Variants in SLC9A6 observed in about 807,000 individuals in gnomAD.
SLC9A6 encodes the protein sodium/hydrogen exchanger 6.
In SLC9A6, 6 loss-of-function variants were observed where a neutral mutation model predicts 45.3. The observed-to-expected ratio is 0.13, with a 90% CI of 0.07 to 0.26. SLC9A6 has a LOEUF of 0.26. Among genes scored for constraint, SLC9A6 ranks in the 10% least tolerant of loss-of-function variants. The pLI is 1.00. For missense variants in SLC9A6, 278 were observed against 503.7 expected (o/e 0.55, Z 4.29); for synonymous variants, 191 against 187.7 (o/e 1.02, Z -0.14).
intron 17 of SLC9A6, among the ~76,000 whole-genome samples, chrX:136,042,435 C>A (rs1461779055): frequency 8.9e-6 from 1 of 111,871 alleles, no homozygotes; most frequent in African/African-American, 3.3e-5. Context: ...ACCTTGGCCT[C>A]CCAAAGTGTT....
At chrX:135,992,742 T>A (rs1339703490) in intron 2 of SLC9A6, among the ~76,000 whole-genome samples, 1 of 112,254 alleles carries the variant, frequency 8.9e-6, no homozygotes, top group Non-Finnish European at 1.9e-5. Flanking sequence ...TTTTCTGTTT[T>A]TATAATACCT....
chrX:135,979,657 A>C (rs781902972), intron 1 of SLC9A6, among the ~76,000 whole-genome samples: 11 of 112,185 alleles, frequency 9.8e-5, no homozygotes, highest in Admixed American at 2.8e-4. Flanking sequence ...CTTTGCATCT[A>C]ACTTTCCATA....
Position 136,044,807 on chromosome X carries a change from A to G in SLC9A6, c.*83A>G. On this transcript the variant is annotated 3_prime_UTR_variant, in exon 18 of 18. Transcript: ENST00000630721. ...TTGTACTACCTAAAAGTCCCAGTGCATGTCTCTGAATGTGTAAGCTATATA... is the reference window on the plus strand; with the variant it reads ...TTGTACTACCTAAAAGTCCCAGTGCGTGTCTCTGAATGTGTAAGCTATATA... 1.2e-6 allele frequency: 1 copy of G among 823,575 alleles called. No individual in the cohort carries two copies. The allele number at this position is 823,575 out of a possible 1,213,427, so 67.9% of individuals were successfully genotyped here. A position where few individuals can be genotyped will look rare whatever the true frequency, so the allele number is the denominator to read the frequency against.
intron 1 of SLC9A6, among the ~76,000 whole-genome samples, chrX:135,975,609 A>G (rs73226734): frequency 0.1 from 11,327 of 112,148 alleles, 479 homozygotes; most frequent in Admixed American, 0.15. Context: ...TAAGCATTCA[A>G]TAAGTGCTTG....
At chrX:135,978,148 T>C (rs1410790464) in intron 1 of SLC9A6, among the ~76,000 whole-genome samples, 2 of 112,491 alleles carry the variant, frequency 1.8e-5, no homozygotes, top group Non-Finnish European at 3.8e-5. Flanking sequence ...TTGTTGCTAT[T>C]GACCCTTCTA....
chrX:136,029,782 TG>T (rs1220455024), intron 14 of SLC9A6: 6 of 265,791 alleles, frequency 2.3e-5, no homozygotes, highest in African/African-American at 5.5e-5. Flanking sequence ...TCCTTGTTTT[TG>T]GAGCTAGCCA....
At chrX:135,991,046 T>C (rs2089422314) in intron 2 of SLC9A6, among the ~76,000 whole-genome samples, 1 of 111,756 alleles carries the variant, frequency 8.9e-6, no homozygotes, top group Admixed American at 9.5e-5. Context: ...TATCTAACAG[T>C]CAGTTTTTAA....
intron 2 of SLC9A6, among the ~76,000 whole-genome samples, chrX:135,986,302 C>T (rs1286582339): frequency 9.0e-6 from 1 of 110,699 alleles, no homozygotes; most frequent in African/African-American, 3.3e-5. Flanking sequence ...TCGACCTTTA[C>T]TCAACACCTA....
intron 3 of SLC9A6, among the ~76,000 whole-genome samples, chrX:135,996,927 C>T (rs1268537354): frequency 1.3e-3 from 143 of 109,078 alleles, no homozygotes; most frequent in Middle Eastern, 4.7e-3. Flanking sequence ...CCACCACGCC[C>T]GGCTAATTTT....
intron 8 of SLC9A6, 91 bp from the exon 9 acceptor site, chrX:136,012,858 C>G (rs1012705221): frequency 2.0e-5 from 13 of 648,864 alleles, no homozygotes; most frequent in Non-Finnish European, 3.1e-5. Context: ...GCTAGAGAAC[C>G]TTTCTTTCAT....
Position 135,998,512 on chromosome X carries a change from C to G in SLC9A6, c.478C>G (p.Leu160Val), listed in dbSNP as rs1327979522. 8.4e-7 allele frequency: 1 copy of G among 1,187,137 alleles called. No individual in the cohort carries two copies. Among genetic ancestry groups the G allele is most frequent in the African/African-American group, 1.8e-5 (1 of 55,660 alleles). ...TTTTTTTCGAAATCTTGGGTCTATCCTAGCATACGCTTTTCTTGGAACAGC... is the reference window on the plus strand; with the variant it reads ...TTTTTTTCGAAATCTTGGGTCTATCGTAGCATACGCTTTTCTTGGAACAGC... Reference protein sequence around the residue: ...RHFFRNLGSILAYAFLGTAIS... With the variant: ...RHFFRNLGSIVAYAFLGTAIS... Residue 160 changes from leucine to valine, a missense_variant, in exon 5 of 18, where the codon CTA (leucine) becomes GTA (valine). Around this residue, in one of 5 missense-constraint regions of SLC9A6, gnomAD observed 118 missense variants for 209.9 expected, o/e 0.56. Coordinates refer to ENST00000630721, the MANE Select transcript of SLC9A6 (RefSeq NM_001379110.1).
intron 9 of SLC9A6, 138 bp downstream of exon 9, chrX:136,013,192 T>A: frequency 4.3e-6 from 3 of 692,600 alleles, no homozygotes; most frequent in Admixed American, 2.5e-5. Context: ...CTTTAGAACA[T>A]AAAAAAAAAT....
chrX:135,975,981 CAAAAAA>C (rs782541566), intron 1 of SLC9A6, among the ~76,000 whole-genome samples: 12 of 62,462 alleles, frequency 1.9e-4, no homozygotes, highest in Admixed American at 6.3e-4. Flanking sequence ...TTTCTCTAAC[CAAAAAA>C]AAAAAAAAAA....
chrX:136,003,145 C>A (rs189262447), intron 7 of SLC9A6, among the ~76,000 whole-genome samples: 13 of 110,199 alleles, frequency 1.2e-4, no homozygotes, highest in Admixed American at 3.8e-4. Context: ...CCTACCACCA[C>A]GCCCGGCTAA....
intron 2 of SLC9A6, among the ~76,000 whole-genome samples, chrX:135,989,871 G>A (rs2089401835): frequency 9.0e-6 from 1 of 111,007 alleles, no homozygotes; most frequent in African/African-American, 3.3e-5. Flanking sequence ...GGACCTCTCT[G>A]TTTTGTGAAA....
intron 16 of SLC9A6, among the ~76,000 whole-genome samples, chrX:136,039,106 A>G (rs1246857605): frequency 7.2e-5 from 8 of 110,745 alleles, no homozygotes; most frequent in African/African-American, 2.3e-4. Context: ...TCATGCCTGT[A>G]AACCCAACAC....
chrX:136,024,228 C>T, intron 12 of SLC9A6, 102 bp from the exon 13 acceptor site: 2 of 841,574 alleles, frequency 2.4e-6, no homozygotes, highest in Non-Finnish European at 3.6e-6. Flanking sequence ...CATATTTGTT[C>T]ACATGCTTCT....
upstream of SLC9A6, chrX:135,974,532 C>A (rs2089250695): frequency 3.7e-6 from 1 of 266,968 alleles, no homozygotes; most frequent in Admixed American, 3.7e-5. Context: ...GGGCTGGGGG[C>A]GTTGGGGAAA....
At chrX:135,974,791 AGAAAGATTCGCGC>A (rs2089252554) in intron 1 of SLC9A6, 1 of 317,826 alleles carries the variant, frequency 3.1e-6, no homozygotes, top group East Asian at 1.0e-4. Flanking sequence ...AAGGTCCTGG[AGAAAGATTCGCGC>A]AAAAAGAGGT....
Sources: allele counts gnomAD v4.1 joint callset (sites outside exome capture counted in the v4.1 genomes callset), GRCh38; gene constraint gnomAD v4.1.1; regional missense constraint gnomAD v4.1.1; transcripts MANE v1.5; gene names NCBI Gene and HGNC (gene_info 2026-07-23, HGNC 2026-07-21).